The following LAMA2 variants were observed in gnomAD, a reference collection of about 807,000 sequenced individuals.
LAMA2 encodes the protein laminin subunit alpha 2.
In LAMA2, 269 loss-of-function variants were observed where a neutral mutation model predicts 364.8. The observed-to-expected ratio is 0.74, with a 90% CI of 0.67 to 0.82. The LOEUF (loss-of-function observed/expected upper bound fraction) is 0.82. Ranked by LOEUF, LAMA2 falls within the 40% of genes least tolerant of loss-of-function variation. LAMA2 has a pLI of 0.00. For synonymous variants in LAMA2, 1,379 were observed against 1,370.6 expected (o/e 1.01, Z -0.14); for missense variants, 3,807 against 3,873.2 (o/e 0.98, Z 0.45).
chr6:129,400,608 T>C (rs1779914409), intron 37 of LAMA2, among the ~76,000 whole-genome samples: 2 of 152,210 alleles, frequency 1.3e-5, no homozygotes, highest in African/African-American at 4.8e-5. Flanking sequence ...GCAATATTTG[T>C]CTCTCACTGA....
chr6:129,016,484 A>C (rs1343380374), intron 1 of LAMA2, among the ~76,000 whole-genome samples: 1 of 152,038 alleles, frequency 6.6e-6, no homozygotes, highest in Non-Finnish European at 1.5e-5. Context: ...AATATTAGGA[A>C]TACTATAAAG....
chr6:128,883,799 TATACACAC>T (rs777339519), intron 1 of LAMA2, among the ~76,000 whole-genome samples: 4,187 of 135,250 alleles, frequency 0.031, 179 homozygotes, highest in African/African-American at 0.11. Context: ...TATATATATA[TATACACAC>T]ACACACACAC....
In LAMA2 at chr6:129,267,187, G is replaced by C. The variant is rs1787583005; in HGVS notation, c.2290G>C (p.Glu764Gln). The C allele has an allele frequency of 6.2e-7, 1 of 1,612,812 alleles. No homozygotes were observed. Among genetic ancestry groups the C allele is most frequent in the South Asian group, 1.1e-5 (1 of 91,070 alleles). ...CEPCQCFGHAESCDDVTGECL... is the reference protein window; with the variant it reads ...CEPCQCFGHAQSCDDVTGECL... ...GCCATGTCAGTGCTTTGGTCATGCG[G>C]AGTCCTGTGATGACGTCACTGGAGA... is the stretch of plus-strand genomic sequence containing the variant. Residue 764 changes from glutamate (E) to glutamine (Q), a missense_variant, in exon 16 of 65, where the codon GAG (glutamate) becomes CAG (glutamine). By Grantham distance (29) the Glu-to-Gln change is conservative. Around this residue, in one of 3 missense-constraint regions of LAMA2, gnomAD observed 3,333 missense variants for 3,345.7 expected, o/e 1.00. Transcript: ENST00000421865.
chr6:129,480,016 G>A (rs533665394), intron 54 of LAMA2, among the ~76,000 whole-genome samples: 6 of 152,210 alleles, frequency 3.9e-5, no homozygotes, highest in Admixed American at 2.0e-4. Context: ...GAAACTGTCC[G>A]GAAAATGAAT....
chr6:129,219,045 A>G (rs1236551912), intron 12 of LAMA2, among the ~76,000 whole-genome samples: 5 of 152,206 alleles, frequency 3.3e-5, no homozygotes, highest in African/African-American at 1.2e-4. Context: ...AAGACACCGT[A>G]ATAATGTCCT....
At chr6:129,066,637 A>G (rs1287438350) in intron 3 of LAMA2, among the ~76,000 whole-genome samples, 1 of 152,034 alleles carries the variant, frequency 6.6e-6, no homozygotes, top group Non-Finnish European at 1.5e-5. Context: ...GAGCAAAAAG[A>G]ACAAAGCTGG....
intron 40 of LAMA2, among the ~76,000 whole-genome samples, chr6:129,425,197 A>G (rs571584217): frequency 1.3e-5 from 2 of 152,182 alleles, no homozygotes; most frequent in East Asian, 1.9e-4. Flanking sequence ...TAATGGTCTC[A>G]TGGGTGTACA....
intron 1 of LAMA2, among the ~76,000 whole-genome samples, chr6:128,968,474 A>G (rs1353123346): frequency 6.6e-6 from 1 of 152,218 alleles, no homozygotes; most frequent in Non-Finnish European, 1.5e-5. Context: ...ATAATTTCAT[A>G]TAATGCTAAG....
At chr6:129,227,208 T>C (rs767524521) in intron 12 of LAMA2, among the ~76,000 whole-genome samples, 2 of 152,170 alleles carry the variant, frequency 1.3e-5, no homozygotes, top group African/African-American at 4.8e-5. Context: ...TTCTCTACAC[T>C]GGTTATTCTA....
rs1385686625 is a variant in LAMA2, at chr6:129,455,344, C to CAG, written c.6708-988_6708-987dup. ...TGTGTGCATGTGTGAGAGAGAGTGA[C>CAG]AGAGTGCTTGCGTGTTTGGTGGTGT... On this transcript the variant is annotated intron_variant, in intron 47 of 64. Transcript: ENST00000421865. Among the ~76,000 whole-genome samples, 4 of 152,034 alleles carry CAG rather than the reference C, an allele frequency of 2.6e-5. No homozygotes were observed. The East Asian group carries it at 7.7e-4, about 29-fold the overall frequency.
chr6:129,249,687 C>T (rs1208830478), intron 12 of LAMA2, among the ~76,000 whole-genome samples: 1 of 152,130 alleles, frequency 6.6e-6, no homozygotes. Flanking sequence ...GGAGGGATGT[C>T]TTTGTTGAAA....
At chr6:128,972,706 C>G (rs1782261526) in intron 1 of LAMA2, among the ~76,000 whole-genome samples, 1 of 151,494 alleles carries the variant, frequency 6.6e-6, no homozygotes, top group Admixed American at 6.6e-5. Flanking sequence ...CTCACCTCCA[C>G]ATTGAAAAAA....
intron 3 of LAMA2, among the ~76,000 whole-genome samples, chr6:129,089,636 AC>A (rs1264249906): frequency 6.6e-6 from 1 of 152,194 alleles, no homozygotes; most frequent in Non-Finnish European, 1.5e-5. Context: ...ATCTTTTGAA[AC>A]CACAGATTGT....
intron 10 of LAMA2, among the ~76,000 whole-genome samples, chr6:129,179,904 G>A (rs963715284): frequency 3.3e-5 from 5 of 152,018 alleles, no homozygotes; most frequent in African/African-American, 1.2e-4. Flanking sequence ...ATCACAATAT[G>A]CCACGATGAG....
chr6:129,151,675 G>T (rs1778804317), intron 7 of LAMA2, among the ~76,000 whole-genome samples: 1 of 152,150 alleles, frequency 6.6e-6, no homozygotes, highest in Non-Finnish European at 1.5e-5. Context: ...ATCTTACATG[G>T]TACAGGAGAG....
intron 1 of LAMA2, among the ~76,000 whole-genome samples, chr6:128,921,749 C>T (rs1185863464): frequency 6.8e-6 from 1 of 147,388 alleles, no homozygotes; most frequent in Non-Finnish European, 1.5e-5. Flanking sequence ...GGTACATGTG[C>T]ACAATGTGCC....
At chr6:129,515,966 A>G (rs568433825) in intron 64 of LAMA2, among the ~76,000 whole-genome samples, 2 of 152,106 alleles carry the variant, frequency 1.3e-5, no homozygotes, top group South Asian at 2.1e-4. Flanking sequence ...TGATTGCGCC[A>G]TTGCACTCCA....
At chr6:129,404,115 A>G (rs1458164771) in intron 40 of LAMA2, among the ~76,000 whole-genome samples, 156 bp downstream of exon 40, 2 of 152,166 alleles carry the variant, frequency 1.3e-5, no homozygotes, top group Admixed American at 6.5e-5. Flanking sequence ...AATTCTCGGT[A>G]TGCTATAATT....
chr6:129,226,398 C>T (rs1242468922), intron 12 of LAMA2, among the ~76,000 whole-genome samples: 1 of 152,138 alleles, frequency 6.6e-6, no homozygotes, highest in Admixed American at 6.5e-5. Context: ...TTATTTTGCT[C>T]GTTAGTTGTT....
Sources: allele counts gnomAD v4.1 joint callset (sites outside exome capture counted in the v4.1 genomes callset), GRCh38; gene constraint gnomAD v4.1.1; regional missense constraint gnomAD v4.1.1; transcripts MANE v1.5; gene names NCBI Gene and HGNC (gene_info 2026-07-23, HGNC 2026-07-21).